The following ACACA variants were observed in gnomAD, a reference collection of about 807,000 sequenced individuals.
The protein encoded by ACACA is acetyl-CoA carboxylase 1.
Under a neutral mutation model 296.1 loss-of-function variants are expected in ACACA, and 103 were observed. The ratio of observed to expected loss-of-function variants is 0.35; its 90% confidence interval spans 0.30 to 0.41. The LOEUF (loss-of-function observed/expected upper bound fraction) is 0.41. ACACA is among the 10% of genes least tolerant of loss of function. ACACA has a pLI of 1.00. For synonymous variants in ACACA, 953 were observed against 1,038.6 expected (o/e 0.92, Z 1.58); for missense variants, 1,554 against 2,989.7 (o/e 0.52, Z 11.20).
At chr17:37,194,172 T>A (rs549558925) in intron 35 of ACACA, among the ~76,000 whole-genome samples, 1 of 152,298 alleles carries the variant, frequency 6.6e-6, no homozygotes, top group South Asian at 2.1e-4. Context: ...GAAGCTCTAC[T>A]GGCAGTGCTG....
intron 1 of ACACA, among the ~76,000 whole-genome samples, chr17:37,352,425 T>C (rs1294030574): frequency 1.3e-5 from 2 of 151,748 alleles, no homozygotes; most frequent in East Asian, 3.9e-4. Flanking sequence ...AAAACCAGAG[T>C]CTCAAGGAAA....
intron 1 of ACACA, among the ~76,000 whole-genome samples, chr17:37,402,945 T>A (rs933652955): frequency 6.6e-6 from 1 of 152,218 alleles, no homozygotes; most frequent in African/African-American, 2.4e-5. Context: ...GTGCTGGGAT[T>A]ACAGGCGTGA....
chr17:37,143,683 TTCA>T (rs2075695552), intron 45 of ACACA: 9 of 891,010 alleles, frequency 1.0e-5, no homozygotes, highest in Admixed American at 5.8e-5. Flanking sequence ...AACCAACTTA[TTCA>T]TCATCATCAT....
intron 45 of ACACA, among the ~76,000 whole-genome samples, chr17:37,133,223 T>C (rs2075183722): frequency 6.6e-6 from 1 of 152,190 alleles, no homozygotes; most frequent in Non-Finnish European, 1.5e-5. Flanking sequence ...ACTGCTCCAC[T>C]AATCACAAAC....
intron 3 of ACACA, among the ~76,000 whole-genome samples, chr17:37,307,601 T>C (rs1357453206): frequency 6.6e-6 from 1 of 152,160 alleles, no homozygotes; most frequent in African/African-American, 2.4e-5. Flanking sequence ...TGTTTTGTTT[T>C]GCTTTGTTTT....
chr17:37,151,325 A>G lies in ACACA; in HGVS notation c.5544T>C (p.Tyr1848=), dbSNP rs1395219242. ...GMIAGESSLA[Y]NEIITISLVT... ...CCAGGCTGATGGTAATGATCTCATT[A>G]TAGGCCAATGAGGATTCTCCAGCAA... The change falls in exon 44 of 56, where the codon TAT becomes TAC. Residue 1848 remains tyrosine (Y), a synonymous_variant. Coordinates refer to ENST00000616317, the MANE Select transcript of ACACA (RefSeq NM_198834.3). The G allele has an allele frequency of 1.2e-6, 2 of 1,614,112 alleles. No individual in the cohort carries two copies. Among genetic ancestry groups the G allele is most frequent in the Non-Finnish European group, 1.7e-6 (2 of 1,180,008 alleles).
At position 37,211,561 on chromosome 17, in the gene ACACA, T is replaced by A. The variant is rs1598189433; in HGVS notation, c.3684-1071A>T. ...ATCTTAACCTTCTAACATTCTTTTA[T>A]CAGCATTTAATCACTGTTGGGGTTT... On this transcript the variant is annotated intron_variant, in intron 29 of 55. Coordinates refer to ENST00000616317, the MANE Select transcript of ACACA (RefSeq NM_198834.3). 3.9e-5 allele frequency among the ~76,000 whole-genome samples: 6 copies of A among 152,364 alleles called. No individual in the cohort carries two copies. In the East Asian group the frequency reaches 1.2e-3, roughly 29 times the overall value.
intron 52 of ACACA, among the ~76,000 whole-genome samples, chr17:37,109,603 C>T (rs748516778): frequency 6.6e-6 from 1 of 152,118 alleles, no homozygotes; most frequent in Non-Finnish European, 1.5e-5. Context: ...TTCTCCAATG[C>T]GGATAGGAAA....
intron 35 of ACACA, 30 bp downstream of exon 35, chr17:37,200,109 T>C (rs765010381): frequency 3.3e-6 from 5 of 1,527,410 alleles, no homozygotes; most frequent in Non-Finnish European, 4.5e-6. Flanking sequence ...AAACAGTAAG[T>C]AATCTTTCAT....
intron 24 of ACACA, 31 bp downstream of exon 24, chr17:37,240,445 T>C: frequency 1.9e-6 from 3 of 1,603,016 alleles, no homozygotes; most frequent in Non-Finnish European, 2.6e-6. Context: ...CAAGGCTTTC[T>C]TAGCTAGAGA....
At chr17:37,395,027 G>C (rs1228484344) in intron 1 of ACACA, among the ~76,000 whole-genome samples, 4 of 151,954 alleles carry the variant, frequency 2.6e-5, no homozygotes, top group Non-Finnish European at 5.9e-5. Context: ...ATTAACACTG[G>C]TTAATATGTA....
intron 1 of ACACA, among the ~76,000 whole-genome samples, chr17:37,399,773 C>G (rs2051217619): frequency 6.6e-6 from 1 of 152,074 alleles, no homozygotes; most frequent in Admixed American, 6.6e-5. Flanking sequence ...AATCCTGATG[C>G]CAGCCAACTC....
At chr17:37,247,949 GTAGCTAA>G (rs1202733186) in intron 18 of ACACA, 55 bp downstream of exon 18, 10 of 1,602,706 alleles carry the variant, frequency 6.2e-6, no homozygotes, top group Middle Eastern at 3.6e-4. Context: ...CCAAGAGCTA[GTAGCTAA>G]TAAGAGAAAA....
intron 14 of ACACA, among the ~76,000 whole-genome samples, chr17:37,253,728 AT>A (rs1342758217): frequency 3.3e-5 from 5 of 152,198 alleles, no homozygotes; most frequent in Non-Finnish European, 7.3e-5. Context: ...TAGGGCATTA[AT>A]TCTCCCTATC....
At chr17:37,202,348 G>A (rs914765602) in intron 33 of ACACA, among the ~76,000 whole-genome samples, 2 of 152,014 alleles carry the variant, frequency 1.3e-5, no homozygotes, top group Admixed American at 6.5e-5. Flanking sequence ...AATAATGCAG[G>A]TCTCACAGCA....
intron 3 of ACACA, among the ~76,000 whole-genome samples, chr17:37,324,575 C>G (rs547970023): frequency 6.6e-6 from 1 of 151,412 alleles, no homozygotes; most frequent in South Asian, 2.1e-4. Context: ...GAGGCTGAGG[C>G]AGGAGAATCA....
chr17:37,100,172 A>G (rs367927374), intron 52 of ACACA, among the ~76,000 whole-genome samples: 8 of 152,214 alleles, frequency 5.3e-5, no homozygotes, highest in African/African-American at 1.7e-4. Context: ...GCATCACTGT[A>G]AATTACTCTT....
At chr17:37,274,661 G>T in intron 8 of ACACA, 5 of 985,406 alleles carry the variant, frequency 5.1e-6, no homozygotes, top group South Asian at 4.7e-5. Flanking sequence ...GGGCCAAGAG[G>T]TCTGGGAAAT....
intron 1 of ACACA, among the ~76,000 whole-genome samples, chr17:37,349,401 T>C (rs953392792): frequency 4.7e-5 from 7 of 147,574 alleles, no homozygotes; most frequent in Non-Finnish European, 7.4e-5. Context: ...ATATAAAACA[T>C]ATATATAATA....
Sources: allele counts gnomAD v4.1 joint callset (sites outside exome capture counted in the v4.1 genomes callset), GRCh38; gene constraint gnomAD v4.1.1; transcripts MANE v1.5; gene names NCBI Gene and HGNC (gene_info 2026-07-23, HGNC 2026-07-21).